INPP4B: variants seen among roughly 807,000 people sequenced by gnomAD.
The protein encoded by INPP4B is inositol polyphosphate 4-phosphatase type II.
INPP4B carries 55 observed loss-of-function variants against 122.5 expected under a neutral mutation model. The observed-to-expected ratio is 0.45, with a 90% confidence interval of 0.36 to 0.56. The LOEUF (loss-of-function observed/expected upper bound fraction) is 0.56. INPP4B is among the 20% of genes least tolerant of loss of function. INPP4B has a pLI of 0.00. For synonymous variants in INPP4B, 403 were observed against 388.7 expected (o/e 1.04, Z -0.43); for missense variants, 1,000 against 1,097.7 (o/e 0.91, Z 1.26).
intron 23 of INPP4B, among the ~76,000 whole-genome samples, chr4:142,087,248 C>T (rs528929011): frequency 6.6e-4 from 101 of 152,186 alleles, no homozygotes; most frequent in African/African-American, 2.3e-3. Flanking sequence ...TAAAGAAGCA[C>T]AGATATGACA....
chr4:142,579,039 T>G (rs1734445529), intron 2 of INPP4B, among the ~76,000 whole-genome samples: 1 of 152,054 alleles, frequency 6.6e-6, no homozygotes, highest in Non-Finnish European at 1.5e-5. Context: ...ACAATTTTGC[T>G]AAACCTAACA....
At chr4:142,443,450 T>G (rs1198032449) in intron 3 of INPP4B, among the ~76,000 whole-genome samples, 1 of 151,932 alleles carries the variant, frequency 6.6e-6, no homozygotes. Context: ...TCATTGAAAT[T>G]AGAAAGGGAG....
chr4:142,323,725 G>A (rs184291207), intron 7 of INPP4B, among the ~76,000 whole-genome samples: 185 of 151,464 alleles, frequency 1.2e-3, no homozygotes, highest in African/African-American at 4.2e-3. Flanking sequence ...GATTACAGGC[G>A]TGAGCCACAG....
chr4:142,306,180 T>A (rs1313701982), intron 8 of INPP4B, among the ~76,000 whole-genome samples: 4 of 152,014 alleles, frequency 2.6e-5, no homozygotes, highest in Non-Finnish European at 5.9e-5. Flanking sequence ...CCTATGAATA[T>A]CTGCTTTCTA....
intron 7 of INPP4B, among the ~76,000 whole-genome samples, chr4:142,356,995 G>C (rs1285554557): frequency 6.6e-6 from 1 of 152,012 alleles, no homozygotes; most frequent in Non-Finnish European, 1.5e-5. Context: ...TATGTGCCAA[G>C]AGGGGGCACA....
intron 1 of INPP4B, among the ~76,000 whole-genome samples, chr4:142,790,754 G>A (rs1421683981): frequency 1.3e-5 from 2 of 151,924 alleles, no homozygotes; most frequent in African/African-American, 4.8e-5. Flanking sequence ...TCTATATGAT[G>A]CAGAAAAGAA....
intron 1 of INPP4B, among the ~76,000 whole-genome samples, chr4:142,763,739 A>G (rs560542704): frequency 2.0e-5 from 3 of 152,262 alleles, no homozygotes; most frequent in East Asian, 3.9e-4. Context: ...GCCTGAACCA[A>G]TTTTAACTAT....
chr4:142,075,027 C>A lies in INPP4B; in HGVS notation c.2642+7004G>T, dbSNP rs531960134. On this transcript the variant is annotated intron_variant, in intron 25 of 25. Transcript: ENST00000262992. The stretch of plus-strand genomic sequence containing the variant: ...ATGAACACTTTCTATGCTCTGGACT[C>A]ATTTATTTGATTCTGTTCTTGTGGG... Among the ~76,000 whole-genome samples, 5 of 152,072 alleles carry A rather than the reference C, an allele frequency of 3.3e-5. No homozygotes were observed. The South Asian group carries it at 1.0e-3, about 32-fold the overall frequency.
At chr4:142,252,185 C>T (rs1009714873) in intron 11 of INPP4B, among the ~76,000 whole-genome samples, 1 of 114,410 alleles carries the variant, frequency 8.7e-6, no homozygotes, top group Non-Finnish European at 1.7e-5. Context: ...CTATAGTAGT[C>T]ATTTTTTTTT....
chr4:142,325,973 T>A (rs1172553982), intron 7 of INPP4B, among the ~76,000 whole-genome samples: 2 of 152,342 alleles, frequency 1.3e-5, no homozygotes, highest in African/African-American at 4.8e-5. Context: ...AGACATCACC[T>A]TCCTTTATCA....
At chr4:142,405,958 T>G (rs1246729250) in intron 5 of INPP4B, among the ~76,000 whole-genome samples, 1 of 151,978 alleles carries the variant, frequency 6.6e-6, no homozygotes. Context: ...GCCACAAAAG[T>G]TAAAAACTTT....
At chr4:142,415,735 A>G (rs1388476701) in intron 5 of INPP4B, among the ~76,000 whole-genome samples, 1 of 152,196 alleles carries the variant, frequency 6.6e-6, no homozygotes, top group East Asian at 1.9e-4. Context: ...TCACAATAGC[A>G]AAGACTTGGA....
chr4:142,669,489 G>A lies in INPP4B; in HGVS notation c.-191+56350C>T, dbSNP rs1049486540. On this transcript the variant is annotated intron_variant, in intron 2 of 25. Coordinates refer to ENST00000262992, the MANE Select transcript of INPP4B (RefSeq NM_001101669.3). ...ACACAGAGACCAATGAAGCAGAAAG[G>A]AGAGCCCAGAAATAAATTCACACAT... 2.2e-4 allele frequency among the ~76,000 whole-genome samples: 33 copies of A among 152,084 alleles called. 1 individual carries two copies. The highest frequency in any genetic ancestry group is 7.7e-4 in the African/African-American group (32 of 41,412).
chr4:142,475,053 T>C (rs1819578366), intron 2 of INPP4B, among the ~76,000 whole-genome samples: 1 of 152,172 alleles, frequency 6.6e-6, no homozygotes, highest in African/African-American at 2.4e-5. Flanking sequence ...GAAGCACAAC[T>C]ACAGCAGATT....
At chr4:142,119,622 T>TAC (rs1327480197) in intron 21 of INPP4B, among the ~76,000 whole-genome samples, 4 of 146,080 alleles carry the variant, frequency 2.7e-5, no homozygotes, top group African/African-American at 7.6e-5. Context: ...CAGGATGGGG[T>TAC]ACATCATACA....
At chr4:142,791,500 G>C (rs1305651353) in intron 1 of INPP4B, among the ~76,000 whole-genome samples, 5 of 152,192 alleles carry the variant, frequency 3.3e-5, no homozygotes, top group African/African-American at 4.8e-5. Context: ...AGATAGACTG[G>C]GGAGGATTAG....
At chr4:142,783,746 A>G (rs1775274124) in intron 1 of INPP4B, among the ~76,000 whole-genome samples, 1 of 152,192 alleles carries the variant, frequency 6.6e-6, no homozygotes, top group African/African-American at 2.4e-5. Flanking sequence ...CACTTCATGT[A>G]GCGTATTACT....
intron 7 of INPP4B, among the ~76,000 whole-genome samples, chr4:142,340,513 T>A (rs1010527282): frequency 6.6e-6 from 1 of 152,086 alleles, no homozygotes; most frequent in Non-Finnish European, 1.5e-5. Context: ...GCTCAAGGGA[T>A]CCTCCCACCT....
intron 2 of INPP4B, among the ~76,000 whole-genome samples, chr4:142,644,352 C>G (rs1751250674): frequency 6.6e-6 from 1 of 151,966 alleles, no homozygotes; most frequent in South Asian, 2.1e-4. Flanking sequence ...AGACCTGTTT[C>G]CACTTATCCT....
Sources: gnomAD v4.1 joint callset for allele counts (sites outside exome capture counted in the v4.1 genomes callset) on GRCh38, gnomAD v4.1.1 for gene constraint, MANE v1.5 for transcripts, NCBI Gene and HGNC (gene_info 2026-07-23, HGNC 2026-07-21) for gene names.